Variants in PLCE1 observed in about 807,000 individuals in gnomAD.
PLCE1 encodes the protein phospholipase C epsilon 1.
A neutral mutation model predicts 242.8 loss-of-function variants in PLCE1; 119 were observed. The observed-to-expected ratio is 0.49, with a 90% CI of 0.42 to 0.57. The LOEUF (loss-of-function observed/expected upper bound fraction) is 0.57, where lower values mean the gene tolerates loss of function less well. Among genes scored for constraint, PLCE1 ranks in the 20% least tolerant of loss-of-function variants. PLCE1 has a pLI of 0.00. For missense variants in PLCE1, 2,441 were observed against 2,788.8 expected (o/e 0.88, Z 2.81); for synonymous variants, 945 against 1,017.4 (o/e 0.93, Z 1.35).
intron 4 of PLCE1, among the ~76,000 whole-genome samples, chr10:94,222,207 C>T (rs760140331): frequency 2.0e-5 from 3 of 152,114 alleles, no homozygotes; most frequent in Non-Finnish European, 4.4e-5. Context: ...CAGATCCATG[C>T]AGTGGTGAGA....
chr10:94,140,133 T>C (rs1205157540), intron 3 of PLCE1, among the ~76,000 whole-genome samples: 1 of 152,178 alleles, frequency 6.6e-6, no homozygotes. Flanking sequence ...GTGTGGTATG[T>C]GTGTCTGTAG....
intron 23 of PLCE1, among the ~76,000 whole-genome samples, chr10:94,296,821 G>A (rs1238985834): frequency 6.6e-6 from 1 of 151,604 alleles, no homozygotes; most frequent in Non-Finnish European, 1.5e-5. Flanking sequence ...ACCTGTCTTG[G>A]CCTTTGACAT....
chr10:94,325,207 A>C, intron 32 of PLCE1, 103 bp downstream of exon 32: 1 of 866,236 alleles, frequency 1.2e-6, no homozygotes, highest in Non-Finnish European at 1.9e-6. Context: ...CAACAGGAGG[A>C]TGTCCCTTGA....
chr10:94,257,629 G>A (rs1455505243), intron 11 of PLCE1, among the ~76,000 whole-genome samples: 1 of 152,206 alleles, frequency 6.6e-6, no homozygotes, highest in Non-Finnish European at 1.5e-5. Context: ...TGGGGACATA[G>A]ATGAAGCTGG....
At chr10:94,248,001 C>A (rs140593648) in intron 8 of PLCE1, among the ~76,000 whole-genome samples, 1 of 152,312 alleles carries the variant, frequency 6.6e-6, no homozygotes, top group East Asian at 1.9e-4. Flanking sequence ...AAAGAAATAT[C>A]TTTTGTATTG....
At chr10:94,299,437 A>G (rs1042379464) in intron 24 of PLCE1, among the ~76,000 whole-genome samples, 1 of 152,216 alleles carries the variant, frequency 6.6e-6, no homozygotes, top group Admixed American at 6.5e-5. Context: ...GACTTGTAGT[A>G]ATAAATTCAA....
intron 3 of PLCE1, among the ~76,000 whole-genome samples, chr10:94,150,533 T>C (rs1176617709): frequency 1.3e-5 from 2 of 152,228 alleles, no homozygotes; most frequent in Non-Finnish European, 2.9e-5. Flanking sequence ...CCACATAGGA[T>C]ACTTTACCTT....
intron 2 of PLCE1, among the ~76,000 whole-genome samples, chr10:94,034,346 A>G (rs2061624109): frequency 6.6e-6 from 1 of 152,202 alleles, no homozygotes; most frequent in Non-Finnish European, 1.5e-5. Context: ...ATTGGGCTAA[A>G]TAATTTACAT....
At chr10:94,123,714 T>G (rs2046361809) in intron 2 of PLCE1, among the ~76,000 whole-genome samples, 1 of 152,216 alleles carries the variant, frequency 6.6e-6, no homozygotes, top group Admixed American at 6.5e-5. Context: ...ATCTTCAACC[T>G]TTTAGAACAC....
chr10:94,167,646 T>C (rs2047848583), intron 3 of PLCE1, among the ~76,000 whole-genome samples: 1 of 150,914 alleles, frequency 6.6e-6, no homozygotes. Flanking sequence ...ATTAGGTGTA[T>C]CTCCTAATGC....
At chr10:94,013,347 G>C (rs970637058) in intron 1 of PLCE1, among the ~76,000 whole-genome samples, 2 of 152,180 alleles carry the variant, frequency 1.3e-5, no homozygotes, top group African/African-American at 4.8e-5. Context: ...CAAGGTCACA[G>C]AAGGAGGCCT....
intron 4 of PLCE1, among the ~76,000 whole-genome samples, chr10:94,180,292 A>C (rs1390244415): frequency 6.6e-6 from 1 of 152,190 alleles, no homozygotes; most frequent in East Asian, 1.9e-4. Context: ...ATTTTAACCT[A>C]TGTGCTGACT....
chr10:94,078,710 C>G (rs1432291544), intron 2 of PLCE1, among the ~76,000 whole-genome samples: 1 of 152,114 alleles, frequency 6.6e-6, no homozygotes, highest in Non-Finnish European at 1.5e-5. Flanking sequence ...GTCTTGAACT[C>G]CTGACCTCAT....
chr10:94,281,647 T>C (rs2052228651), intron 20 of PLCE1, among the ~76,000 whole-genome samples: 1 of 152,148 alleles, frequency 6.6e-6, no homozygotes, highest in Non-Finnish European at 1.5e-5. Context: ...ATGCCTCAGA[T>C]ATGTAATCAA....
At chr10:94,295,374 C>T (rs1485693620) in intron 23 of PLCE1, among the ~76,000 whole-genome samples, 1 of 152,178 alleles carries the variant, frequency 6.6e-6, no homozygotes. Context: ...ACTTTCTTTG[C>T]TCATCCATTA....
intron 3 of PLCE1, chr10:94,138,041 T>C (rs1564723886): frequency 2.7e-6 from 1 of 373,844 alleles, no homozygotes; most frequent in East Asian, 6.8e-5. Flanking sequence ...CTGTCCAGTA[T>C]TTCATGGCCT....
At chr10:94,013,332 C>T (rs1240265464) in intron 1 of PLCE1, among the ~76,000 whole-genome samples, 1 of 152,120 alleles carries the variant, frequency 6.6e-6, no homozygotes, top group African/African-American at 2.4e-5. Flanking sequence ...AGCATATCAC[C>T]ATGCCAAGGT....
intron 1 of PLCE1, among the ~76,000 whole-genome samples, chr10:93,994,573 C>CT (rs1266814901): frequency 1.3e-5 from 2 of 152,214 alleles, no homozygotes; most frequent in African/African-American, 4.8e-5. Context: ...TGTGGCGGTA[C>CT]TTAGCAGCGG....
At chr10:94,009,270 A>G (rs1388569916) in intron 1 of PLCE1, among the ~76,000 whole-genome samples, 1 of 152,078 alleles carries the variant, frequency 6.6e-6, no homozygotes, top group Non-Finnish European at 1.5e-5. Context: ...AGACTCTTAA[A>G]CAACCAGATC....
Sources: gnomAD v4.1 joint callset for allele counts (sites outside exome capture counted in the v4.1 genomes callset) on GRCh38, gnomAD v4.1.1 for gene constraint, MANE v1.5 for transcripts, NCBI Gene and HGNC (gene_info 2026-07-23, HGNC 2026-07-21) for gene names.